The following MAF variants were observed in gnomAD, a reference collection of about 807,000 sequenced individuals.
The protein encoded by MAF is transcription factor Maf.
In MAF, 10 loss-of-function variants were observed where a neutral mutation model predicts 22.0. The ratio of observed to expected loss-of-function variants is 0.45; its 90% CI spans 0.28 to 0.77. The LOEUF is 0.77. Ranked by LOEUF, MAF falls within the 30% of genes least tolerant of loss-of-function variation. The probability of loss-of-function intolerance (pLI) is 0.12; values close to 1 mark genes in which losing one functional copy is unlikely to be tolerated. For missense variants in MAF, 544 were observed against 548.4 expected (o/e 0.99, Z 0.08); for synonymous variants, 337 against 255.8 (o/e 1.32, Z -3.03).
the MAF span, among the ~76,000 whole-genome samples, chr16:79,394,628 G>A: frequency 6.6e-6 from 1 of 152,238 alleles, no homozygotes; most frequent in South Asian, 2.1e-4. Context: ...TTCATAAGGG[G>A]TTTGGAGGAT....
At chr16:79,368,494 G>A in the MAF span, among the ~76,000 whole-genome samples, 1 of 152,000 alleles carries the variant, frequency 6.6e-6, no homozygotes, top group African/African-American at 2.4e-5. Context: ...AAGTGATCTT[G>A]GTCACTTTTC....
chr16:79,361,900 T>C, the MAF span, among the ~76,000 whole-genome samples: 2 of 152,194 alleles, frequency 1.3e-5, no homozygotes, highest in African/African-American at 2.4e-5. Flanking sequence ...AGACAGAACG[T>C]TTGTCCTGCA....
chr16:79,559,905 T>C, the MAF span, among the ~76,000 whole-genome samples: 1 of 152,138 alleles, frequency 6.6e-6, no homozygotes, highest in Non-Finnish European at 1.5e-5. Flanking sequence ...CTCTCCTATA[T>C]CTATGTCACC....
At chr16:79,366,106 T>G in the MAF span, among the ~76,000 whole-genome samples, 1 of 152,238 alleles carries the variant, frequency 6.6e-6, no homozygotes, top group African/African-American at 2.4e-5. Context: ...TATTTGTTTT[T>G]CTGTTGCTAA....
At chr16:79,346,887 A>G in the MAF span, among the ~76,000 whole-genome samples, 12 of 152,306 alleles carry the variant, frequency 7.9e-5, no homozygotes, top group Middle Eastern at 3.4e-3. Flanking sequence ...TTAGCATTTG[A>G]TAAGATTTAA....
At chr16:79,246,283 C>T in the MAF span, among the ~76,000 whole-genome samples, 1 of 152,130 alleles carries the variant, frequency 6.6e-6, no homozygotes, top group African/African-American at 2.4e-5. Context: ...CTACTTTGGA[C>T]TGTCTAAATT....
At chr16:79,522,405 G>A in the MAF span, among the ~76,000 whole-genome samples, 2 of 152,174 alleles carry the variant, frequency 1.3e-5, no homozygotes, top group African/African-American at 4.8e-5. Context: ...ACCCCCAACA[G>A]AGCTGCTAAA....
At chr16:79,525,788 A>G in the MAF span, among the ~76,000 whole-genome samples, 4 of 152,330 alleles carry the variant, frequency 2.6e-5, no homozygotes, top group South Asian at 2.1e-4. Context: ...CAAAATCATT[A>G]TATTAAGAGG....
the MAF span, among the ~76,000 whole-genome samples, chr16:79,548,326 G>A: frequency 1.3e-5 from 2 of 151,760 alleles, no homozygotes; most frequent in African/African-American, 4.8e-5. Context: ...AAAGCTTTAG[G>A]TAGTCATTTA....
At chr16:79,321,693 C>T in the MAF span, among the ~76,000 whole-genome samples, 1 of 134,648 alleles carries the variant, frequency 7.4e-6, no homozygotes, top group Non-Finnish European at 1.5e-5. Context: ...CTCTGTCACC[C>T]AGGCTGGAGT....
At chr16:79,562,540 A>G in the MAF span, among the ~76,000 whole-genome samples, 29,760 of 152,072 alleles carry the variant, frequency 0.2, 3,259 homozygotes, top group South Asian at 0.27. Context: ...ATTTCTTTAC[A>G]TCATCTACAC....
the MAF span, among the ~76,000 whole-genome samples, chr16:79,385,799 G>A: frequency 6.6e-6 from 1 of 152,196 alleles, no homozygotes; most frequent in Non-Finnish European, 1.5e-5. Flanking sequence ...TACTAGAGAG[G>A]CTGAGGCAGG....
At chr16:79,538,321 C>T in the MAF span, among the ~76,000 whole-genome samples, 43 of 152,144 alleles carry the variant, frequency 2.8e-4, no homozygotes, top group Non-Finnish European at 1.0e-4. Context: ...GAAAGGAAGG[C>T]TTCTTTTGAC....
chr16:79,327,518 T>C, the MAF span, among the ~76,000 whole-genome samples: 1 of 152,196 alleles, frequency 6.6e-6, no homozygotes, highest in African/African-American at 2.4e-5. Context: ...CTGCAAGGTA[T>C]TGATTTGACA....
the MAF span, among the ~76,000 whole-genome samples, chr16:79,495,190 G>A: frequency 1.2e-3 from 177 of 152,230 alleles, 4 homozygotes; most frequent in South Asian, 0.033. Flanking sequence ...GGCCAAACTC[G>A]GTGGCTCATG....
chr16:79,339,633 A>G, the MAF span, among the ~76,000 whole-genome samples: 1 of 152,328 alleles, frequency 6.6e-6, no homozygotes. Flanking sequence ...CATTAATATC[A>G]GTCATATAGT....
chr16:79,457,824 C>T, the MAF span, among the ~76,000 whole-genome samples: 1 of 152,028 alleles, frequency 6.6e-6, no homozygotes, highest in Admixed American at 6.6e-5. Flanking sequence ...ACCTGAAATG[C>T]CATCGCAATT....
At chr16:79,211,981 A>AGTATCACTTTT in the MAF span, 5 of 1,536,022 alleles carry the variant, frequency 3.3e-6, no homozygotes, top group Non-Finnish European at 2.6e-6. Flanking sequence ...CCTGGGGTAA[A>AGTATCACTTTT]GTATCACTTT....
At chr16:79,585,412 A>G (rs536628981), downstream of MAF, among the ~76,000 whole-genome samples, 1 of 152,144 alleles carries the variant, frequency 6.6e-6, no homozygotes, top group African/African-American at 2.4e-5. Flanking sequence ...GAACTGAATT[A>G]TAAGTGACTG....
Sources: allele counts gnomAD v4.1 joint callset (sites outside exome capture counted in the v4.1 genomes callset), GRCh38; gene constraint gnomAD v4.1.1; transcripts MANE v1.5; gene names NCBI Gene and HGNC (gene_info 2026-07-23, HGNC 2026-07-21).